ERBB4: variants seen among roughly 807,000 people sequenced by gnomAD.
ERBB4 encodes erb-b2 receptor tyrosine kinase 4.
A neutral mutation model predicts 158.0 loss-of-function variants in ERBB4; 42 were observed. The observed-to-expected ratio is 0.27, with a 90% CI of 0.21 to 0.34. ERBB4 has a LOEUF of 0.34. Ranked by LOEUF, ERBB4 falls within the 10% of genes least tolerant of loss-of-function variation. The pLI, the probability that ERBB4 is intolerant of heterozygous loss-of-function variation, is 1.00. For synonymous variants in ERBB4, 583 were observed against 558.7 expected (o/e 1.04, Z -0.61); for missense variants, 1,333 against 1,624.1 (o/e 0.82, Z 3.08).
intron 2 of ERBB4, among the ~76,000 whole-genome samples, chr2:212,071,945 T>A (rs1234105360): frequency 6.6e-6 from 1 of 151,986 alleles, no homozygotes; most frequent in East Asian, 1.9e-4. Context: ...TTGTGTTTAA[T>A]CCTCTCAACA....
At chr2:212,264,339 C>T (rs914522567) in intron 1 of ERBB4, among the ~76,000 whole-genome samples, 3 of 152,218 alleles carry the variant, frequency 2.0e-5, no homozygotes, top group Non-Finnish European at 4.4e-5. Flanking sequence ...TCTTCATTAA[C>T]ATATACTCAG....
intron 2 of ERBB4, among the ~76,000 whole-genome samples, chr2:212,052,696 T>C (rs899164362): frequency 6.6e-6 from 1 of 152,166 alleles, no homozygotes; most frequent in Non-Finnish European, 1.5e-5. Context: ...ACTTCCTTCC[T>C]CAGGAAGCTG....
chr2:212,266,872 T>A (rs1002377500), intron 1 of ERBB4, among the ~76,000 whole-genome samples: 2 of 151,996 alleles, frequency 1.3e-5, no homozygotes, highest in African/African-American at 2.4e-5. Context: ...TCTATTCAGT[T>A]TTGTCCACAT....
At chr2:211,688,701 A>C (rs2105989106) in intron 12 of ERBB4, among the ~76,000 whole-genome samples, 1 of 152,256 alleles carries the variant, frequency 6.6e-6, no homozygotes, top group Non-Finnish European at 1.5e-5. Context: ...TTTCACATAA[A>C]ATTTCTCCCA....
intron 1 of ERBB4, among the ~76,000 whole-genome samples, chr2:212,149,125 CTGCACAATG>C (rs2080781967): frequency 6.7e-6 from 1 of 149,928 alleles, no homozygotes; most frequent in Admixed American, 6.6e-5. Context: ...TGTAACTAAC[CTGCACAATG>C]TGCACATGTA....
In ERBB4 at chr2:211,536,354, T is replaced by C. The variant is rs16846355; in HGVS notation, c.2487+25549A>G. ...TGTCAGAACAAATAAATAGAAGTCA[T>C]TGGGTATGGAAATCAACAAACCCTA... On this transcript the variant is annotated intron_variant, in intron 20 of 27. Coordinates refer to ENST00000342788, the MANE Select transcript of ERBB4 (RefSeq NM_005235.3). Among the ~76,000 whole-genome samples the C allele has an allele frequency of 5.3e-3, 734 of 137,348 alleles. 4 individuals are homozygous for C. Among genetic ancestry groups the C allele is most frequent in the African/African-American group, 0.018 (669 of 37,708 alleles). 90.1% of individuals were successfully genotyped at this position (137,348 alleles called of 152,430 possible). A position where few individuals can be genotyped will look rare whatever the true frequency, so the allele number is the denominator to read the frequency against.
chr2:211,656,854 G>A (rs938065178), intron 16 of ERBB4, among the ~76,000 whole-genome samples: 3 of 152,118 alleles, frequency 2.0e-5, no homozygotes, highest in Admixed American at 6.5e-5. Flanking sequence ...ATATAGATAT[G>A]CCACAACTGA....
intron 1 of ERBB4, among the ~76,000 whole-genome samples, chr2:212,235,074 C>T (rs534609485): frequency 1.8e-3 from 270 of 152,092 alleles, no homozygotes; most frequent in Non-Finnish European, 3.1e-3. Context: ...GAATGGTATT[C>T]ACTAGGTTTT....
chr2:211,530,141 G>A (rs1033887613), intron 20 of ERBB4, among the ~76,000 whole-genome samples: 4 of 152,164 alleles, frequency 2.6e-5, no homozygotes, highest in East Asian at 1.9e-4. Context: ...GAATAAACAC[G>A]TTCAGTAAAG....
chr2:212,103,304 G>A (rs1011581211), intron 2 of ERBB4, among the ~76,000 whole-genome samples: 1 of 151,904 alleles, frequency 6.6e-6, no homozygotes, highest in Non-Finnish European at 1.5e-5. Flanking sequence ...CAGTATAATA[G>A]AATATAATGT....
At chr2:212,168,716 T>G (rs1420999208) in intron 1 of ERBB4, among the ~76,000 whole-genome samples, 1 of 152,090 alleles carries the variant, frequency 6.6e-6, no homozygotes, top group Non-Finnish European at 1.5e-5. Flanking sequence ...TGGCTAGGAT[T>G]TCAGGAAAAA....
At position 211,601,063 on chromosome 2, in the gene ERBB4, A is replaced by C. The variant is rs369203698; in HGVS notation, c.2301+18114T>G. 5.4e-4 allele frequency among the ~76,000 whole-genome samples: 82 copies of C among 152,306 alleles called. 1 individual carries two copies. In the South Asian group the frequency reaches 0.015, roughly 28 times the overall value. On this transcript the variant is annotated intron_variant, in intron 19 of 27. Coordinates refer to ENST00000342788, the MANE Select transcript of ERBB4 (RefSeq NM_005235.3). ...AGGGAGGAGACAATTCAGGGACTTG[A>C]AAATAACATTTAAGAAATTAGCATC...
chr2:211,998,069 A>G (rs1355983040), intron 2 of ERBB4, among the ~76,000 whole-genome samples: 2 of 151,900 alleles, frequency 1.3e-5, no homozygotes, highest in African/African-American at 4.8e-5. Flanking sequence ...GCATTAGGAG[A>G]TATACCTAAC....
intron 1 of ERBB4, among the ~76,000 whole-genome samples, chr2:212,453,944 CTT>C (rs5838332): frequency 0.018 from 2,626 of 145,494 alleles, 43 homozygotes; most frequent in African/African-American, 0.045. Flanking sequence ...TATTCCTTAA[CTT>C]TTTTTTTTTT....
intron 20 of ERBB4, among the ~76,000 whole-genome samples, chr2:211,455,722 A>G (rs1408229358): frequency 6.6e-6 from 1 of 152,196 alleles, no homozygotes; most frequent in Admixed American, 6.5e-5. Flanking sequence ...CAAACATAAA[A>G]TATGTCCACA....
intron 1 of ERBB4, among the ~76,000 whole-genome samples, chr2:212,131,061 A>C (rs1488791687): frequency 6.6e-6 from 1 of 152,218 alleles, no homozygotes; most frequent in African/African-American, 2.4e-5. Context: ...CCACAGAAGA[A>C]GCAATAACTA....
intron 1 of ERBB4, among the ~76,000 whole-genome samples, chr2:212,493,462 ATTGT>A (rs917188818): frequency 4.6e-5 from 7 of 151,554 alleles, no homozygotes; most frequent in African/African-American, 1.4e-4. Flanking sequence ...TATTGCTAAT[ATTGT>A]TTATGTTTAA....
At chr2:211,509,359 TAAAC>T (rs1004879704) in intron 20 of ERBB4, among the ~76,000 whole-genome samples, 2 of 151,708 alleles carry the variant, frequency 1.3e-5, no homozygotes, top group African/African-American at 4.8e-5. Context: ...AATAAATAAA[TAAAC>T]AAATAAAACT....
chr2:211,743,488 T>A (rs2074862260), intron 5 of ERBB4, among the ~76,000 whole-genome samples: 1 of 152,178 alleles, frequency 6.6e-6, no homozygotes, highest in Non-Finnish European at 1.5e-5. Flanking sequence ...ACATGCAGTA[T>A]CTACTTTAAA....
Sources: allele counts gnomAD v4.1 joint callset (sites outside exome capture counted in the v4.1 genomes callset), GRCh38; gene constraint gnomAD v4.1.1; transcripts MANE v1.5; gene names NCBI Gene and HGNC (gene_info 2026-07-23, HGNC 2026-07-21).